The following MBD5 variants were observed in gnomAD, a reference collection of about 807,000 sequenced individuals.
MBD5 encodes the protein methyl-CpG-binding domain protein 5.
MBD5 carries 13 observed loss-of-function variants against 117.3 expected under a neutral mutation model. The ratio of observed to expected loss-of-function variants is 0.11; its 90% CI spans 0.07 to 0.18. The LOEUF (loss-of-function observed/expected upper bound fraction) is 0.18. MBD5 is among the 10% of genes least tolerant of loss of function. The pLI is 1.00. For synonymous variants in MBD5, 727 were observed against 766.4 expected (o/e 0.95, Z 0.85); for missense variants, 1,879 against 2,093.8 (o/e 0.90, Z 2.00).
rs1286033594 is a variant in MBD5, at chr2:148,376,823, AAT to A, written c.-557+34495_-557+34496del. 2.8e-4 allele frequency among the ~76,000 whole-genome samples: 26 copies of A among 94,026 alleles called. No homozygotes were observed. The South Asian group carries it at 2.8e-3, about 10-fold the overall frequency. The allele number at this position is 94,026 out of a possible 152,430, so 61.7% of individuals were successfully genotyped here. A position where few individuals can be genotyped will look rare whatever the true frequency, so the allele number is the denominator to read the frequency against. On this transcript the variant is annotated intron_variant, in intron 4 of 13. Coordinates refer to ENST00000642680, the MANE Select transcript of MBD5 (RefSeq NM_001378120.1). ...TTATATATAATATTATAATTTATAT[AAT>A]ATATATAACATATATATAATTATAT...
At chr2:148,353,250 C>A (rs1703289120) in intron 4 of MBD5, among the ~76,000 whole-genome samples, 1 of 151,968 alleles carries the variant, frequency 6.6e-6, no homozygotes, top group Admixed American at 6.6e-5. Flanking sequence ...GGATTCTGAC[C>A]TTTATCCTAA....
At chr2:148,128,455 A>C (rs1432899327) in intron 1 of MBD5, among the ~76,000 whole-genome samples, 1 of 152,302 alleles carries the variant, frequency 6.6e-6, no homozygotes, top group South Asian at 2.1e-4. Context: ...GTCACACATT[A>C]ATTAGAGTTG....
At chr2:148,201,452 G>C (rs954652394) in intron 2 of MBD5, among the ~76,000 whole-genome samples, 1 of 152,156 alleles carries the variant, frequency 6.6e-6, no homozygotes, top group East Asian at 1.9e-4. Context: ...TCTGCAGCCC[G>C]ACAGACAGAG....
intron 2 of MBD5, among the ~76,000 whole-genome samples, chr2:148,226,220 G>T (rs1187164041): frequency 6.6e-6 from 1 of 151,638 alleles, no homozygotes; most frequent in Non-Finnish European, 1.5e-5. Flanking sequence ...CCATTAACTT[G>T]TCATTTAGCA....
intron 2 of MBD5, among the ~76,000 whole-genome samples, chr2:148,215,483 C>A (rs1304496275): frequency 6.6e-6 from 1 of 151,858 alleles, no homozygotes; most frequent in East Asian, 1.9e-4. Flanking sequence ...GCCCATGGAC[C>A]CTGTTTTTGT....
chr2:148,335,162 G>A (rs1031542035), intron 3 of MBD5, among the ~76,000 whole-genome samples: 2 of 152,118 alleles, frequency 1.3e-5, no homozygotes, highest in South Asian at 4.1e-4. Flanking sequence ...GCCAAGGCAG[G>A]CAGATCACTT....
Position 148,339,357 on chromosome 2 carries a change from G to A in MBD5, c.-679-2857G>A, listed in dbSNP as rs150081657. ...ATGGGCCAAAGTGAGTGGCCCTCAA[G>A]TCTCCAAAGTGAGTGGCCTCCCTTT... On this transcript the variant is annotated intron_variant, in intron 3 of 13. Transcript: ENST00000642680. Among the ~76,000 whole-genome samples the A allele has an allele frequency of 5.6e-3, 858 of 152,170 alleles. 7 individuals are homozygous for A. The highest frequency in any genetic ancestry group is 0.01 in the Middle Eastern group (3 of 292).
chr2:148,423,099 C>T (rs80353066), intron 4 of MBD5, among the ~76,000 whole-genome samples: 2 of 152,054 alleles, frequency 1.3e-5, no homozygotes, highest in African/African-American at 2.4e-5. Context: ...AGATACTCCT[C>T]GAGAAGAGCA....
chr2:148,086,641 G>A (rs138810421), intron 1 of MBD5, among the ~76,000 whole-genome samples: 70 of 152,242 alleles, frequency 4.6e-4, no homozygotes, highest in African/African-American at 1.6e-3. Context: ...GTAGGAATTG[G>A]AACAGGCTCA....
At chr2:148,481,159 G>C (rs1037565437) in intron 8 of MBD5, among the ~76,000 whole-genome samples, 1 of 151,988 alleles carries the variant, frequency 6.6e-6, no homozygotes, top group Non-Finnish European at 1.5e-5. Context: ...CATGTAGAAA[G>C]ATATTTATCC....
At chr2:148,112,911 C>T (rs77024726) in intron 1 of MBD5, among the ~76,000 whole-genome samples, 7,646 of 152,160 alleles carry the variant, frequency 0.05, 215 homozygotes, top group Middle Eastern at 0.075. Context: ...CTTTGAAAAG[C>T]TGAAGAAGGA....
chr2:148,068,981 ACT>A lies in MBD5; in HGVS notation c.-925+47298_-925+47299del, dbSNP rs1261339677. Among the ~76,000 whole-genome samples, 8 of 152,374 alleles carry A rather than the reference ACT, an allele frequency of 5.3e-5. No individual in the cohort carries two copies. In the East Asian group the frequency reaches 1.2e-3, roughly 22 times the overall value. On this transcript the variant is annotated intron_variant, in intron 1 of 13. Transcript: ENST00000642680. Reference sequence around the variant, plus strand: ...CACAGTTTTTTAATAATTGAAAAACACTTAGACTAAAACCAGTTTTTCTAGTA... The same window carrying A: ...CACAGTTTTTTAATAATTGAAAAACATAGACTAAAACCAGTTTTTCTAGTA...
At chr2:148,113,177 C>T (rs1574027750) in intron 1 of MBD5, among the ~76,000 whole-genome samples, 1 of 152,242 alleles carries the variant, frequency 6.6e-6, no homozygotes, top group African/African-American at 2.4e-5. Flanking sequence ...ACACAAACTC[C>T]TAATACTTGA....
At chr2:148,445,272 G>C (rs1406973413) in intron 4 of MBD5, among the ~76,000 whole-genome samples, 1 of 151,038 alleles carries the variant, frequency 6.6e-6, no homozygotes. Context: ...ATCTCCTAAT[G>C]CTATCCCTCC....
chr2:148,398,132 A>G (rs1412220896), intron 4 of MBD5, among the ~76,000 whole-genome samples: 15 of 152,186 alleles, frequency 9.9e-5, no homozygotes, highest in African/African-American at 3.6e-4. Flanking sequence ...ATGTGTCTTT[A>G]TAGCAGCATG....
intron 4 of MBD5, among the ~76,000 whole-genome samples, chr2:148,353,410 G>T (rs531351021): frequency 6.6e-6 from 1 of 151,852 alleles, no homozygotes; most frequent in Non-Finnish European, 1.5e-5. Flanking sequence ...CCTTTGATAC[G>T]TATCTCTATT....
rs1695521397 is a variant in MBD5, at chr2:148,076,840, C to A, written c.-925+55156C>A. ...TGAAGTGAATAAAACGCATCCATCC[C>A]TCTTCTCTAAGTTCTCATAGTCTAG... On this transcript the variant is annotated intron_variant, in intron 1 of 13. Transcript: ENST00000642680. 1.3e-5 allele frequency among the ~76,000 whole-genome samples: 2 copies of A among 152,208 alleles called. 1 individual carries two copies. Among genetic ancestry groups the A allele is most frequent in the Admixed American group, 1.3e-4 (2 of 15,276 alleles).
intron 3 of MBD5, among the ~76,000 whole-genome samples, chr2:148,247,464 GT>G (rs1346100834): frequency 6.6e-6 from 1 of 152,078 alleles, no homozygotes; most frequent in East Asian, 1.9e-4. Flanking sequence ...GTTACCATGG[GT>G]TTTCAGCACA....
intron 4 of MBD5, among the ~76,000 whole-genome samples, chr2:148,416,149 C>T (rs867673021): frequency 6.6e-6 from 1 of 152,190 alleles, no homozygotes; most frequent in Middle Eastern, 3.4e-3. Flanking sequence ...CTTTTATCTT[C>T]TTTAATGCTT....
Sources: gnomAD v4.1 joint callset for allele counts (sites outside exome capture counted in the v4.1 genomes callset) on GRCh38, gnomAD v4.1.1 for gene constraint, MANE v1.5 for transcripts, NCBI Gene and HGNC (gene_info 2026-07-23, HGNC 2026-07-21) for gene names.